MORC1: variants seen among roughly 807,000 people sequenced by gnomAD.
The protein encoded by MORC1 is MORC family CW-type zinc finger protein 1.
A neutral mutation model predicts 134.9 loss-of-function variants in MORC1; 59 were observed. That is an observed-to-expected ratio of 0.44 (90% CI 0.35 to 0.54). The LOEUF (loss-of-function observed/expected upper bound fraction) is 0.54, where lower values mean the gene tolerates loss of function less well. MORC1 is among the 20% of genes least tolerant of loss of function. The pLI, the probability that MORC1 is intolerant of heterozygous loss-of-function variation, is 0.00. For missense variants in MORC1, 947 were observed against 1,134.5 expected (o/e 0.83, Z 2.37); for synonymous variants, 395 against 391.7 (o/e 1.01, Z -0.10).
intron 25 of MORC1, among the ~76,000 whole-genome samples, chr3:108,970,977 G>A (rs2107393014): frequency 6.6e-6 from 1 of 152,252 alleles, no homozygotes; most frequent in East Asian, 1.9e-4. Flanking sequence ...GATACCTAAT[G>A]TGCCTGACCT....
chr3:109,000,022 C>T (rs3804697), intron 21 of MORC1, among the ~76,000 whole-genome samples: 18,074 of 152,058 alleles, frequency 0.12, 1,151 homozygotes, highest in Non-Finnish European at 0.14. Flanking sequence ...CAAAGCAACT[C>T]GATTCTACAG....
In MORC1 at chr3:109,096,363, G is replaced by A. The variant is rs191346344; in HGVS notation, c.424-1295C>T. The stretch of plus-strand genomic sequence containing the variant: ...GTGGGCACAAGATACAGGTCACAAA[G>A]ACCCTGCTGACCCAGCTTCACTAAG... On this transcript the variant is annotated intron_variant, in intron 6 of 27. Transcript: ENST00000232603. Among the ~76,000 whole-genome samples, 3 of 152,222 alleles carry A rather than the reference G, an allele frequency of 2.0e-5. No homozygotes were observed. In the East Asian group the frequency reaches 5.8e-4, roughly 30 times the overall value.
chr3:109,108,094 C>T (rs1165568062), intron 3 of MORC1, among the ~76,000 whole-genome samples: 1 of 152,020 alleles, frequency 6.6e-6, no homozygotes, highest in Admixed American at 6.5e-5. Flanking sequence ...AAGGCAGAGG[C>T]AGGAGAATTG....
At chr3:108,961,340 G>A (rs571228803) in intron 27 of MORC1, among the ~76,000 whole-genome samples, 1 of 152,326 alleles carries the variant, frequency 6.6e-6, no homozygotes, top group African/African-American at 2.4e-5. Context: ...CAATGATGTT[G>A]ATATTTACCT....
intron 9 of MORC1, among the ~76,000 whole-genome samples, chr3:109,064,800 C>T (rs554458843): frequency 2.0e-5 from 3 of 152,160 alleles, no homozygotes; most frequent in South Asian, 2.1e-4. Context: ...TTTTCTGGTT[C>T]GTATAATATT....
At chr3:109,101,148 A>G (rs1016619204) in intron 4 of MORC1, among the ~76,000 whole-genome samples, 3 of 152,212 alleles carry the variant, frequency 2.0e-5, no homozygotes, top group African/African-American at 7.2e-5. Context: ...TAAATGAAAC[A>G]AATGAAATGA....
chr3:108,978,403 A>T (rs1947622151), intron 24 of MORC1, among the ~76,000 whole-genome samples: 1 of 152,186 alleles, frequency 6.6e-6, no homozygotes, highest in Non-Finnish European at 1.5e-5. Flanking sequence ...GTCCTTCCAC[A>T]TGTAACCAGG....
intron 24 of MORC1, among the ~76,000 whole-genome samples, chr3:108,972,737 C>T (rs1428234585): frequency 3.3e-5 from 5 of 152,178 alleles, no homozygotes; most frequent in African/African-American, 1.2e-4. Flanking sequence ...TTTACACAAA[C>T]TAAACCTTGC....
At chr3:108,990,472 A>T (rs1178892749) in intron 21 of MORC1, among the ~76,000 whole-genome samples, 1 of 151,932 alleles carries the variant, frequency 6.6e-6, no homozygotes, top group African/African-American at 2.4e-5. Flanking sequence ...GCTTTTTCCT[A>T]GTCTTTCCTA....
intron 8 of MORC1, among the ~76,000 whole-genome samples, chr3:109,090,343 C>T (rs1422874153): frequency 2.6e-5 from 4 of 151,982 alleles, no homozygotes; most frequent in African/African-American, 9.7e-5. Context: ...CAAAGCCGGG[C>T]GCAGTGACTC....
intron 15 of MORC1, among the ~76,000 whole-genome samples, chr3:109,034,129 G>A (rs1443313215): frequency 1.3e-5 from 2 of 152,090 alleles, no homozygotes; most frequent in Non-Finnish European, 2.9e-5. Flanking sequence ...CTGGATCCTA[G>A]ATTACAACAA....
chr3:108,998,712 T>C lies in MORC1; in HGVS notation c.2187+1845A>G, dbSNP rs368638713. Among the ~76,000 whole-genome samples, 148 of 152,288 alleles carry C rather than the reference T, an allele frequency of 9.7e-4. 3 individuals are homozygous for C. The South Asian group carries it at 0.03, about 31-fold the overall frequency. ...GAGCAATTATTTCCTACTTGAATTA[T>C]TGCAACTACAGCCAAACAGAAATTA... On this transcript the variant is annotated intron_variant, in intron 21 of 27. Transcript: ENST00000232603.
intron 21 of MORC1, 126 bp downstream of exon 21, chr3:109,000,431 A>G (rs1948371761): frequency 1.5e-6 from 1 of 684,234 alleles, no homozygotes. Context: ...TCTGAGTCTT[A>G]TTTCTTCATC....
Position 109,035,386 on chromosome 3 carries a change from T to C in MORC1, c.1413A>G (p.Gln471=), listed in dbSNP as rs199588269. The change falls in exon 15 of 28, where the codon CAA becomes CAG. Residue 471 remains glutamine, a synonymous_variant. Coordinates refer to ENST00000232603, the MANE Select transcript of MORC1 (RefSeq NM_014429.4). ...TACCCATGGCTTGTCTTCTTTGATA[T>C]TGAAAAGAATTTAAAGGTTTCTCCA... is the stretch of plus-strand genomic sequence containing the variant. The part of the protein sequence containing the change: ...IDVEKPLNSF[Q]YQRRQAMGIP... 10 of 1,581,586 alleles carry C rather than the reference T, an allele frequency of 6.3e-6. No homozygotes were observed. The East Asian group carries it at 6.8e-5, about 11-fold the overall frequency.
chr3:109,086,607 A>G (rs909739128), intron 8 of MORC1, among the ~76,000 whole-genome samples: 3 of 152,066 alleles, frequency 2.0e-5, no homozygotes, highest in African/African-American at 7.2e-5. Flanking sequence ...ATTTCTGAGA[A>G]TCAACAGTAA....
intron 14 of MORC1, among the ~76,000 whole-genome samples, chr3:109,045,646 A>C (rs183491498): frequency 8.5e-4 from 130 of 152,346 alleles, no homozygotes; most frequent in African/African-American, 3.0e-3. Context: ...AAAGCAAGAC[A>C]AGATATATTC....
chr3:109,042,930 G>T (rs1042969037), intron 14 of MORC1, among the ~76,000 whole-genome samples: 3 of 152,048 alleles, frequency 2.0e-5, no homozygotes, highest in Non-Finnish European at 4.4e-5. Context: ...GGGGGAGGGG[G>T]TTGGGGAGAT....
intron 14 of MORC1, among the ~76,000 whole-genome samples, chr3:109,050,515 G>A (rs544326533): frequency 3.3e-5 from 5 of 152,130 alleles, no homozygotes; most frequent in South Asian, 2.1e-4. Context: ...CATCACCCCC[G>A]TAAAGTCCCA....
chr3:109,027,830 G>A lies in MORC1; in HGVS notation c.1625C>T (p.Pro542Leu), dbSNP rs772345942. ...IPLGTMSTISPSKNEKEKQLR... is the reference protein window; with the variant it reads ...IPLGTMSTISLSKNEKEKQLR... ...TTGCTTCTCTTTCTCATTTTTTGAT[G>A]GTGATATTGTGCTCATGGTGCCCAG... The change falls in exon 17 of 28, where the codon CCA becomes CTA. Residue 542 changes from proline (P) to leucine (L), a missense_variant. Physicochemically the swap from Pro to Leu is moderately conservative, Grantham distance 98. Around this residue, in one of 3 missense-constraint regions of MORC1, gnomAD observed 722 missense variants for 817.0 expected, o/e 0.88. Transcript: ENST00000232603. The A allele has an allele frequency of 1.2e-6, 2 of 1,613,548 alleles. No homozygotes were observed. Among genetic ancestry groups the A allele is most frequent in the East Asian group, 2.2e-5 (1 of 44,862 alleles).
Sources: allele counts gnomAD v4.1 joint callset (sites outside exome capture counted in the v4.1 genomes callset), GRCh38; gene constraint gnomAD v4.1.1; regional missense constraint gnomAD v4.1.1; transcripts MANE v1.5; gene names NCBI Gene and HGNC (gene_info 2026-07-23, HGNC 2026-07-21).